DKC1: variants seen among roughly 807,000 people sequenced by gnomAD.
DKC1 encodes H/ACA ribonucleoprotein complex subunit DKC1.
In DKC1, 4 loss-of-function variants were observed where a neutral mutation model predicts 46.7. That is an observed-to-expected ratio of 0.09 (90% CI 0.04 to 0.20). The LOEUF (loss-of-function observed/expected upper bound fraction) is 0.20. Among genes scored for constraint, DKC1 ranks in the 10% least tolerant of loss-of-function variants. The pLI, the probability that DKC1 is intolerant of heterozygous loss-of-function variation, is 1.00. For missense variants in DKC1, 171 were observed against 404.2 expected (o/e 0.42, Z 4.95); for synonymous variants, 141 against 142.4 (o/e 0.99, Z 0.07).
intron 13 of DKC1, among the ~76,000 whole-genome samples, chrX:154,775,807 G>A (rs1444476624): frequency 8.9e-6 from 1 of 112,243 alleles, no homozygotes; most frequent in Non-Finnish European, 1.9e-5. Flanking sequence ...CTCAGAAACC[G>A]GGGGCGGTAC....
chrX:154,776,686 C>T (rs1378758508), intron 14 of DKC1, 113 bp from the exon 15 acceptor site: 3 of 760,629 alleles, frequency 3.9e-6, no homozygotes, highest in African/African-American at 4.2e-5. Context: ...AATATCCTTA[C>T]AGGTCCTGAA....
chrX:154,763,893 G>A (rs1175212198), intron 1 of DKC1, among the ~76,000 whole-genome samples: 1 of 111,679 alleles, frequency 9.0e-6, no homozygotes, highest in African/African-American at 3.3e-5. Context: ...GCACAGGGCC[G>A]GGCGCGGTGG....
chrX:154,768,988 C>T (rs1260604799), intron 8 of DKC1, among the ~76,000 whole-genome samples, 179 bp from the exon 9 acceptor site: 8 of 75,724 alleles, frequency 1.1e-4, no homozygotes, highest in African/African-American at 3.7e-4. Flanking sequence ...AGCGAGACTC[C>T]GTCTCAAAAA....
intron 7 of DKC1, 54 bp downstream of exon 7, chrX:154,767,436 T>C: frequency 8.4e-7 from 1 of 1,194,902 alleles, no homozygotes; most frequent in Non-Finnish European, 1.1e-6. Context: ...GATTCTGTTC[T>C]CTTATTAAAA....
At chrX:154,776,722 T>C in intron 14 of DKC1, 77 bp from the exon 15 acceptor site, 1 of 1,028,010 alleles carries the variant, frequency 9.7e-7, no homozygotes, top group Non-Finnish European at 1.4e-6. Context: ...TGTGGACCTT[T>C]ACCAGATTTC....
In DKC1 at chrX:154,770,614, A is replaced by G. The variant is rs886372831; in HGVS notation, c.916-145A>G. The G allele has an allele frequency of 5.3e-6, 4 of 751,273 alleles. No individual in the cohort carries two copies. In the African/African-American group the frequency reaches 6.3e-5, roughly 12 times the overall value. 61.9% of individuals were successfully genotyped at this position (751,273 alleles called of 1,213,427 possible). ...GAGGTGGCTCTTCTGAGTACCACTC[A>G]TGCCCCTTGCAGCTAGTGGGCTATA... On this transcript the variant is annotated intron_variant, in intron 9 of 14. Coordinates refer to ENST00000369550, the MANE Select transcript of DKC1 (RefSeq NM_001363.5).
chrX:154,769,035 C>A, intron 8 of DKC1, 132 bp from the exon 9 acceptor site: 1 of 540,093 alleles, frequency 1.9e-6, no homozygotes, highest in Non-Finnish European at 3.1e-6. Context: ...CTGGAAGAGC[C>A]AGGACTGAAG....
chrX:154,766,375 C>G lies in DKC1; in HGVS notation c.423C>G (p.Arg141=). The change falls in exon 5 of 15, where the codon CGC becomes CGG. Residue 141 remains arginine (R), a synonymous_variant. Transcript: ENST00000369550. ...TCGTGTGCATAGAACGAGCCACTCG[C>G]TTGGTGAAGTCACAACAGAGTGCAG... The part of the protein sequence containing the change: ...CLIVCIERAT[R]LVKSQQSAGK... 1 of 1,210,701 alleles carries G rather than the reference C, an allele frequency of 8.3e-7. No homozygotes were observed. The highest frequency in any genetic ancestry group is 1.7e-5 in the African/African-American group (1 of 57,504).
chrX:154,763,431 G>A (rs868911840), intron 1 of DKC1, among the ~76,000 whole-genome samples: 2 of 112,218 alleles, frequency 1.8e-5, no homozygotes. Flanking sequence ...AGTTCTAGAG[G>A]CCACAAGCCC....
chrX:154,771,804 G>A (rs2071830084), intron 10 of DKC1, among the ~76,000 whole-genome samples: 1 of 111,960 alleles, frequency 8.9e-6, no homozygotes, highest in African/African-American at 3.3e-5. Flanking sequence ...GGGCACTTCG[G>A]TTGCTTCCAA....
intron 1 of DKC1, 63 bp downstream of exon 1, chrX:154,763,044 G>A (rs1287076454): frequency 8.9e-7 from 1 of 1,118,210 alleles, no homozygotes; most frequent in Non-Finnish European, 1.2e-6. Context: ...GGGGTGGGGG[G>A]ATGGTATCGG....
intron 1 of DKC1, among the ~76,000 whole-genome samples, chrX:154,764,572 T>C (rs1327496696): frequency 1.8e-5 from 2 of 111,872 alleles, no homozygotes; most frequent in African/African-American, 6.5e-5. Context: ...TTTATAAGTT[T>C]TCTATTTTAA....
At chrX:154,765,000 A>G (rs1310529734) in intron 2 of DKC1, 34 bp downstream of exon 2, 3 of 1,096,048 alleles carry the variant, frequency 2.7e-6, no homozygotes, top group Non-Finnish European at 2.5e-6. Context: ...CACTTTGACT[A>G]AAAAGAAAGT....
Position 154,764,777 on chromosome X carries a change from A to T in DKC1, c.17-122A>T, listed in dbSNP as rs1164289141. The T allele has an allele frequency of 1.1e-5, 6 of 533,260 alleles. No individual in the cohort carries two copies. The Middle Eastern group carries it at 1.3e-3, about 114-fold the overall frequency. 43.9% of individuals were successfully genotyped at this position (533,260 alleles called of 1,213,427 possible). ...CTGTACTTGCAAAACATTATGTGGC[A>T]TGTGACTGTAATTGTAGACCTAAAA... On this transcript the variant is annotated intron_variant, in intron 1 of 14. Transcript: ENST00000369550.
chrX:154,775,253 G>A lies in DKC1; in HGVS notation c.1318G>A (p.Glu440Lys), dbSNP rs782193188. 2.4e-5 allele frequency: 29 copies of A among 1,210,304 alleles called. No individual in the cohort carries two copies. The highest frequency in any genetic ancestry group is 2.4e-4 in the Admixed American group (11 of 45,932). The stretch of plus-strand genomic sequence containing the variant: ...GGTAAAAGCCCCGCAGGTAGTTGCC[G>A]AAGCAGCAAAAACTGCGAAGGTGAG... ...EVVKAPQVVA[E>K]AAKTAKRKRE... Residue 440 changes from glutamate (E) to lysine (K), a missense_variant, in exon 13 of 15, where the codon GAA (glutamate) becomes AAA (lysine). Glu to Lys is a moderately conservative substitution (Grantham distance 56). Transcript: ENST00000369550.
At chrX:154,765,730 G>C (rs782074427) in intron 3 of DKC1, among the ~76,000 whole-genome samples, 177 bp from the exon 4 acceptor site, 16 of 112,714 alleles carry the variant, frequency 1.4e-4, no homozygotes. Flanking sequence ...CAACACTGTT[G>C]TAGAACACAT....
At chrX:154,769,996 A>G (rs781793604) in intron 9 of DKC1, among the ~76,000 whole-genome samples, 1 of 111,331 alleles carries the variant, frequency 9.0e-6, no homozygotes, top group African/African-American at 3.3e-5. Flanking sequence ...ACTTGTACCC[A>G]CTGACCTATA....
chrX:154,770,771 TG>T lies in DKC1; in HGVS notation c.929del (p.Cys310SerfsTer40). 1 of 1,211,809 alleles carries T rather than the reference TG, an allele frequency of 8.3e-7. No homozygotes were observed. The highest frequency in any genetic ancestry group is 1.1e-6 in the Non-Finnish European group (1 of 895,381). ...VMKDSAVNAI[C>X]YGAKIMLPGV... ...GCCATCTCTGCAGGTAAATGCCATCTGCTATGGGGCCAAGATTATGCTTCCA... is the reference window on the plus strand; with the variant it reads ...GCCATCTCTGCAGGTAAATGCCATCTCTATGGGGCCAAGATTATGCTTCCA... On this transcript the variant is annotated frameshift_variant, in exon 10 of 15. Coordinates refer to ENST00000369550, the MANE Select transcript of DKC1 (RefSeq NM_001363.5). LOFTEE classifies it high-confidence loss of function.
chrX:154,762,891 G>A lies in DKC1; in HGVS notation c.-75G>A. ...GTGGGTCCTAGCAGCGCGGCCTGAC[G>A]GGACCAAGGCGGCGGGAGTCTGCGG... On this transcript the variant is annotated 5_prime_UTR_variant, in exon 1 of 15. Coordinates refer to ENST00000369550, the MANE Select transcript of DKC1 (RefSeq NM_001363.5). 2 of 1,139,065 alleles carry A rather than the reference G, an allele frequency of 1.8e-6. No homozygotes were observed. Among genetic ancestry groups the A allele is most frequent in the Admixed American group, 2.6e-5 (1 of 38,828 alleles). The allele number at this position is 1,139,065 out of a possible 1,213,427, so 93.9% of individuals were successfully genotyped here.
Sources: gnomAD v4.1 joint callset for allele counts (sites outside exome capture counted in the v4.1 genomes callset) on GRCh38, gnomAD v4.1.1 for gene constraint, MANE v1.5 for transcripts, NCBI Gene and HGNC (gene_info 2026-07-23, HGNC 2026-07-21) for gene names.